CHODL: variants seen among roughly 807,000 people sequenced by gnomAD.
CHODL encodes the protein transmembrane protein MT75.
In CHODL, 29 loss-of-function variants were observed where a neutral mutation model predicts 34.5. The ratio of observed to expected loss-of-function variants is 0.84; its 90% CI spans 0.63 to 1.15. The LOEUF (loss-of-function observed/expected upper bound fraction) is 1.15. Among genes scored for constraint, CHODL ranks in the 50% most tolerant of loss-of-function variants. CHODL has a pLI of 0.00. For synonymous variants in CHODL, 125 were observed against 116.1 expected, an observed-to-expected ratio of 1.08 and a Z score of -0.49; for missense variants, 332 against 332.5, an observed-to-expected ratio of 1.00 and a Z score of 0.01.
At chr21:18,058,152 A>G (rs2064607907) in intron 2 of CHODL, among the ~76,000 whole-genome samples, 1 of 152,160 alleles carries the variant, frequency 6.6e-6, no homozygotes, top group Non-Finnish European at 1.5e-5. Context: ...TCACAATGAG[A>G]GATCATCTCA....
Position 18,211,141 on chromosome 21 carries a change from T to TACACACACACAC in CHODL, c.-44-45351_-44-45340dup, listed in dbSNP as rs3077936. Among the ~76,000 whole-genome samples, 1,485 of 148,774 alleles carry TACACACACACAC rather than the reference T, an allele frequency of 1.0e-2. 14 individuals are homozygous for TACACACACACAC. Among genetic ancestry groups the TACACACACACAC allele is most frequent in the African/African-American group, 0.023 (936 of 40,210 alleles). On this transcript the variant is annotated intron_variant, in intron 2 of 6. Coordinates refer to the CHODL transcript ENST00000400127. ...TATTCCCTTGCATCCTACACATGGA[T>TACACACACACAC]ACACACACACACACACACACACACA...
intron 2 of CHODL, among the ~76,000 whole-genome samples, chr21:18,195,196 A>G (rs1601133638): frequency 6.6e-6 from 1 of 152,158 alleles, no homozygotes; most frequent in East Asian, 1.9e-4. Flanking sequence ...CTGGGACTAC[A>G]GGTGCCTGCC....
intron 2 of CHODL, among the ~76,000 whole-genome samples, chr21:18,209,893 A>G (rs2073754858): frequency 6.6e-6 from 1 of 152,126 alleles, no homozygotes; most frequent in Admixed American, 6.5e-5. Context: ...CTGAGATAGT[A>G]TCCAAGTTCC....
At position 18,141,968 on chromosome 21, in the gene CHODL, T is replaced by A. The variant is rs78826164; in HGVS notation, c.-45+113997T>A. ...ACTTGAATTCCTGTCCAAATTTAAA[T>A]GTTGAACAGATCATACAATGGAGAC... On this transcript the variant is annotated intron_variant, in intron 2 of 6. Transcript: ENST00000400127. 7.8e-3 allele frequency among the ~76,000 whole-genome samples: 1,181 copies of A among 152,238 alleles called. 8 individuals are homozygous for A. The highest frequency in any genetic ancestry group is 0.013 in the Non-Finnish European group (874 of 67,976).
At chr21:18,185,540 T>G (rs1008592853) in intron 2 of CHODL, among the ~76,000 whole-genome samples, 7 of 152,076 alleles carry the variant, frequency 4.6e-5, no homozygotes, top group Admixed American at 2.0e-4. Flanking sequence ...ATCCCTCTTT[T>G]GTCAGTAGAT....
chr21:18,013,634 G>GTTTTTTTTTTTTTTTTTTTT (rs1568844372), intron 1 of CHODL, among the ~76,000 whole-genome samples: 1 of 36,266 alleles, frequency 2.8e-5, no homozygotes, highest in African/African-American at 1.8e-4. Context: ...TGCTGCTGCT[G>GTTTTTTTTTTTTTTTTTTTT]CTTTTTTTTT....
At chr21:18,028,449 C>T (rs1359716149) in intron 2 of CHODL, among the ~76,000 whole-genome samples, 1 of 151,888 alleles carries the variant, frequency 6.6e-6, no homozygotes, top group East Asian at 1.9e-4. Flanking sequence ...GTAATCCCAG[C>T]ACTTTGGGAG....
chr21:17,978,743 A>AAAAC (rs1474786654), intron 1 of CHODL, among the ~76,000 whole-genome samples: 1 of 149,852 alleles, frequency 6.7e-6, no homozygotes, highest in African/African-American at 2.5e-5. Context: ...GAAAAAAAAA[A>AAAAC]AAACAAACAA....
At chr21:18,181,574 T>G (rs1264351165) in intron 2 of CHODL, among the ~76,000 whole-genome samples, 2 of 152,158 alleles carry the variant, frequency 1.3e-5, no homozygotes, top group Non-Finnish European at 2.9e-5. Flanking sequence ...GGCTAATTTT[T>G]TGTATTTTTA....
At chr21:17,950,161 A>G (rs2063444318) in intron 1 of CHODL, among the ~76,000 whole-genome samples, 1 of 152,116 alleles carries the variant, frequency 6.6e-6, no homozygotes, top group Non-Finnish European at 1.5e-5. Context: ...GAAATAGACC[A>G]GTTTGAGATA....
chr21:17,967,533 CTA>C (rs1202713478), intron 1 of CHODL, among the ~76,000 whole-genome samples: 1 of 152,132 alleles, frequency 6.6e-6, no homozygotes, highest in Non-Finnish European at 1.5e-5. Flanking sequence ...ACCTCAAGCT[CTA>C]TGATTTCCTG....
At chr21:18,127,990 A>G (rs766337601) in intron 2 of CHODL, among the ~76,000 whole-genome samples, 3 of 151,872 alleles carry the variant, frequency 2.0e-5, no homozygotes, top group Non-Finnish European at 4.4e-5. Flanking sequence ...TTTGTGAGAG[A>G]TAAATCTACA....
In CHODL at chr21:17,931,259, C is replaced by CCCAT. The variant is rs1291480192; in HGVS notation, c.-145+13860_-145+13863dup. On this transcript the variant is annotated intron_variant, in intron 1 of 6. Coordinates refer to the CHODL transcript ENST00000400127. Reference sequence around the variant, plus strand: ...CTGCTTCTGTGACAGACAGCTTTTTCCCATAAGCACCACCTACTGGTCTGG... The same window carrying CCCAT: ...CTGCTTCTGTGACAGACAGCTTTTTCCCATCCATAAGCACCACCTACTGGTCTGG... 2.6e-5 allele frequency among the ~76,000 whole-genome samples: 4 copies of CCCAT among 152,296 alleles called. No homozygotes were observed. In the East Asian group the frequency reaches 7.7e-4, roughly 29 times the overall value.
chr21:18,030,932 A>G (rs1209012745), intron 2 of CHODL, among the ~76,000 whole-genome samples: 1 of 152,140 alleles, frequency 6.6e-6, no homozygotes, highest in Non-Finnish European at 1.5e-5. Context: ...GAGAATAACC[A>G]AGGGTAAGTT....
intron 1 of CHODL, among the ~76,000 whole-genome samples, chr21:17,964,180 T>C (rs1321594896): frequency 6.6e-6 from 1 of 152,240 alleles, no homozygotes; most frequent in Admixed American, 6.5e-5. Context: ...ATAATTGTCT[T>C]TTATGTATCA....
chr21:17,948,006 A>G (rs530567019), intron 1 of CHODL, among the ~76,000 whole-genome samples: 1 of 152,310 alleles, frequency 6.6e-6, no homozygotes, highest in East Asian at 1.9e-4. Flanking sequence ...TTACAGCAAC[A>G]TGGATGAAAC....
At chr21:18,007,669 G>A (rs2063973302) in intron 1 of CHODL, among the ~76,000 whole-genome samples, 1 of 152,116 alleles carries the variant, frequency 6.6e-6, no homozygotes, top group Non-Finnish European at 1.5e-5. Context: ...ACTGCTATTT[G>A]TTTTCTTCAG....
At chr21:18,099,363 T>A (rs1340167008) in intron 2 of CHODL, among the ~76,000 whole-genome samples, 2 of 151,902 alleles carry the variant, frequency 1.3e-5, no homozygotes, top group African/African-American at 4.8e-5. Context: ...TATGTATACC[T>A]ACTGAGTACC....
chr21:18,097,615 A>C (rs2065155702), intron 2 of CHODL, among the ~76,000 whole-genome samples: 1 of 152,162 alleles, frequency 6.6e-6, no homozygotes, highest in Non-Finnish European at 1.5e-5. Context: ...GATTGGAAGA[A>C]TTAATATTAT....
Sources: allele counts gnomAD v4.1 joint callset (sites outside exome capture counted in the v4.1 genomes callset), GRCh38; gene constraint gnomAD v4.1.1; transcripts MANE v1.5; gene names NCBI Gene and HGNC (gene_info 2026-07-23, HGNC 2026-07-21).